Variants in FILIP1L observed in about 807,000 individuals in gnomAD.
FILIP1L encodes filamin A-interacting protein 1-like.
A neutral mutation model predicts 96.6 loss-of-function variants in FILIP1L; 55 were observed. The observed-to-expected ratio is 0.57, with a 90% CI of 0.46 to 0.71. FILIP1L has a LOEUF of 0.71. Among genes scored for constraint, FILIP1L ranks in the 30% least tolerant of loss-of-function variants. The pLI is 0.00. For missense variants in FILIP1L, 1,304 were observed against 1,321.2 expected, an observed-to-expected ratio of 0.99 and a Z score of 0.20; for synonymous variants, 467 against 473.9, an observed-to-expected ratio of 0.99 and a Z score of 0.19.
chr3:100,000,865 A>G (rs1709821428), intron 1 of FILIP1L, among the ~76,000 whole-genome samples: 1 of 152,236 alleles, frequency 6.6e-6, no homozygotes, highest in African/African-American at 2.4e-5. Context: ...CAAATATATT[A>G]CTCAGTAACT....
At chr3:100,047,878 G>A (rs931316224) in intron 1 of FILIP1L, among the ~76,000 whole-genome samples, 5 of 152,074 alleles carry the variant, frequency 3.3e-5, no homozygotes, top group East Asian at 1.9e-4. Flanking sequence ...CAGGGTGGGC[G>A]AAAAATGATA....
intron 1 of FILIP1L, among the ~76,000 whole-genome samples, chr3:99,958,955 A>G (rs1708417103): frequency 6.6e-6 from 1 of 152,184 alleles, no homozygotes; most frequent in Non-Finnish European, 1.5e-5. Context: ...GCTCTATACC[A>G]CTGGATTCTT....
At chr3:100,015,805 A>C (rs940181335) in intron 1 of FILIP1L, among the ~76,000 whole-genome samples, 1 of 152,204 alleles carries the variant, frequency 6.6e-6, no homozygotes, top group Non-Finnish European at 1.5e-5. Flanking sequence ...GATAAATGAG[A>C]GGAGGGACTA....
intron 1 of FILIP1L, among the ~76,000 whole-genome samples, chr3:100,018,735 C>CA (rs61527233): frequency 1.2e-4 from 15 of 120,200 alleles, no homozygotes; most frequent in African/African-American, 3.1e-4. Context: ...TTCCGCATAG[C>CA]AAAAAAAAAA....
intron 1 of FILIP1L, among the ~76,000 whole-genome samples, chr3:100,015,077 C>T (rs943970436): frequency 6.0e-5 from 9 of 151,148 alleles, no homozygotes; most frequent in South Asian, 2.1e-4. Flanking sequence ...GTGTATTGTA[C>T]GAGATAAGGG....
chr3:99,856,862 A>G (rs1943991303), intron 4 of FILIP1L, among the ~76,000 whole-genome samples: 1 of 152,216 alleles, frequency 6.6e-6, no homozygotes, highest in African/African-American at 2.4e-5. Context: ...TGCATCATAT[A>G]ATACACATAT....
intron 1 of FILIP1L, among the ~76,000 whole-genome samples, chr3:100,056,135 G>C (rs1022890035): frequency 6.6e-6 from 1 of 152,220 alleles, no homozygotes; most frequent in Non-Finnish European, 1.5e-5. Flanking sequence ...AAGGCAGGGA[G>C]TAGAGAAGAA....
chr3:100,000,550 C>T (rs1342021604), intron 1 of FILIP1L, among the ~76,000 whole-genome samples: 2 of 152,114 alleles, frequency 1.3e-5, no homozygotes, highest in Non-Finnish European at 2.9e-5. Flanking sequence ...AGACAATACT[C>T]CTAAAAGTGA....
chr3:99,984,826 T>C (rs1366179531), intron 1 of FILIP1L, among the ~76,000 whole-genome samples: 7 of 152,214 alleles, frequency 4.6e-5, no homozygotes, highest in Admixed American at 4.6e-4. Flanking sequence ...TAATGTTTAT[T>C]GAGTACATTC....
At chr3:100,105,853 A>C (rs1224170219) in intron 1 of FILIP1L, among the ~76,000 whole-genome samples, 1 of 152,164 alleles carries the variant, frequency 6.6e-6, no homozygotes, top group African/African-American at 2.4e-5. Flanking sequence ...AGTTTTTTGA[A>C]AGGAGTTGTA....
intron 1 of FILIP1L, among the ~76,000 whole-genome samples, chr3:99,939,937 T>A (rs1183495921): frequency 1.3e-5 from 2 of 152,238 alleles, no homozygotes; most frequent in Non-Finnish European, 2.9e-5. Flanking sequence ...CTTTTTAGTT[T>A]GGAAGTGTTC....
rs1401634383 is a variant in FILIP1L, at chr3:99,975,482, C to T, written c.-10-44452G>A. 5.9e-5 allele frequency among the ~76,000 whole-genome samples: 9 copies of T among 152,036 alleles called. No homozygotes were observed. In the East Asian group the frequency reaches 1.7e-3, roughly 29 times the overall value. On this transcript the variant is annotated intron_variant, in intron 1 of 5. Coordinates refer to ENST00000477258, the MANE Select transcript of FILIP1L (RefSeq NM_001387850.1). ...TGGCGGGCGCCTGTAATCCCAGCTACTCGGGAGGCTGAGGCAGGAGAATTG... is the reference window on the plus strand; with the variant it reads ...TGGCGGGCGCCTGTAATCCCAGCTATTCGGGAGGCTGAGGCAGGAGAATTG...
chr3:99,989,010 T>C (rs1357903989), intron 1 of FILIP1L, among the ~76,000 whole-genome samples: 1 of 152,188 alleles, frequency 6.6e-6, no homozygotes, highest in Non-Finnish European at 1.5e-5. Context: ...TTTTATGGAC[T>C]TCAAAGGAAA....
intron 1 of FILIP1L, among the ~76,000 whole-genome samples, chr3:100,017,647 A>G (rs1208629780): frequency 6.6e-6 from 1 of 152,204 alleles, no homozygotes; most frequent in African/African-American, 2.4e-5. Flanking sequence ...GTTGTGAGCC[A>G]GATGTGGTGG....
chr3:99,916,318 G>C (rs1706947766), intron 4 of FILIP1L, among the ~76,000 whole-genome samples: 2 of 152,098 alleles, frequency 1.3e-5, no homozygotes, highest in Non-Finnish European at 2.9e-5. Context: ...TGATTTTCTA[G>C]CTTTCAGGTC....
intron 1 of FILIP1L, among the ~76,000 whole-genome samples, chr3:99,939,200 A>G (rs1425372323): frequency 6.6e-6 from 1 of 152,180 alleles, no homozygotes; most frequent in Non-Finnish European, 1.5e-5. Flanking sequence ...CATCACCCAT[A>G]GTATCAGGCA....
chr3:100,094,741 T>C, intron 1 of FILIP1L, among the ~76,000 whole-genome samples: 1 of 130,762 alleles, frequency 7.6e-6, no homozygotes, highest in Non-Finnish European at 1.6e-5. Context: ...TGGAGTGCAG[T>C]GGCACAATCT....
chr3:100,083,020 A>C (rs1576035151), intron 1 of FILIP1L, among the ~76,000 whole-genome samples: 1 of 152,158 alleles, frequency 6.6e-6, no homozygotes, highest in African/African-American at 2.4e-5. Flanking sequence ...GTACTTTGGG[A>C]TGTGTATATT....
Position 99,940,359 on chromosome 3 carries a change from T to C in FILIP1L, c.-10-9329A>G, listed in dbSNP as rs987895208. Reference sequence around the variant, plus strand: ...TAACAGTTTTCAAACTACATCACTTTCCATATTTCTTCCAACTTCATGCTC... The same window carrying C: ...TAACAGTTTTCAAACTACATCACTTCCCATATTTCTTCCAACTTCATGCTC... On this transcript the variant is annotated intron_variant, in intron 1 of 5. Coordinates refer to ENST00000477258, the MANE Select transcript of FILIP1L (RefSeq NM_001387850.1). Among the ~76,000 whole-genome samples, 3 of 152,260 alleles carry C rather than the reference T, an allele frequency of 2.0e-5. No homozygotes were observed. The East Asian group carries it at 5.8e-4, about 29-fold the overall frequency.
Sources: allele counts gnomAD v4.1 joint callset (sites outside exome capture counted in the v4.1 genomes callset), GRCh38; gene constraint gnomAD v4.1.1; transcripts MANE v1.5; gene names NCBI Gene and HGNC (gene_info 2026-07-23, HGNC 2026-07-21).